Variants in SHC4 observed in about 807,000 individuals in gnomAD.
SHC4 encodes the protein SHC-transforming protein 4.
Under a neutral mutation model 69.4 loss-of-function variants are expected in SHC4, and 41 were observed. The ratio of observed to expected loss-of-function variants is 0.59; its 90% CI spans 0.46 to 0.77. The LOEUF is 0.77. SHC4 is among the 30% of genes least tolerant of loss of function. The pLI is 0.00. For missense variants in SHC4, 777 were observed against 783.8 expected (o/e 0.99, Z 0.10); for synonymous variants, 318 against 299.3 (o/e 1.06, Z -0.64).
intron 1 of SHC4, among the ~76,000 whole-genome samples, chr15:48,927,279 A>G (rs1567071920): frequency 6.6e-6 from 1 of 152,112 alleles, no homozygotes; most frequent in South Asian, 2.1e-4. Context: ...GCGTCCCTAT[A>G]TCCTGCAGTC....
At chr15:48,883,054 G>GT (rs1311037305) in intron 4 of SHC4, among the ~76,000 whole-genome samples, 2 of 151,818 alleles carry the variant, frequency 1.3e-5, no homozygotes, top group Admixed American at 6.6e-5. Flanking sequence ...ATTTTATTCT[G>GT]TTTTTTTAAT....
intron 8 of SHC4, 109 bp from the exon 9 acceptor site, chr15:48,851,357 G>C: frequency 9.7e-7 from 1 of 1,028,752 alleles, no homozygotes; most frequent in Non-Finnish European, 1.5e-6. Flanking sequence ...TTCACTTTCT[G>C]ACACAGGAAA....
At chr15:48,907,513 G>A (rs757523731) in intron 2 of SHC4, among the ~76,000 whole-genome samples, 34 of 151,782 alleles carry the variant, frequency 2.2e-4, no homozygotes, top group African/African-American at 6.5e-4. Flanking sequence ...CTCATCACCC[G>A]AGCAGTATAC....
intron 6 of SHC4, among the ~76,000 whole-genome samples, chr15:48,859,809 C>T (rs1448355723): frequency 3.3e-5 from 5 of 152,170 alleles, no homozygotes; most frequent in Admixed American, 1.3e-4. Flanking sequence ...GCTAGTCAGG[C>T]CTCATATCCG....
intron 2 of SHC4, among the ~76,000 whole-genome samples, chr15:48,894,685 C>T (rs7178661): frequency 0.015 from 2,224 of 152,232 alleles, 65 homozygotes; most frequent in African/African-American, 0.051. Context: ...GATAAAAAAT[C>T]TTGAGCACGT....
At chr15:48,857,433 A>T (rs1388917382) in intron 7 of SHC4, among the ~76,000 whole-genome samples, 3 of 152,156 alleles carry the variant, frequency 2.0e-5, no homozygotes, top group Admixed American at 6.5e-5. Flanking sequence ...AACAGAGATA[A>T]TCTATTCTTA....
chr15:48,893,591 T>C (rs1330692877), intron 2 of SHC4, among the ~76,000 whole-genome samples: 1 of 152,168 alleles, frequency 6.6e-6, no homozygotes, highest in East Asian at 1.9e-4. Flanking sequence ...GAGAAATCAT[T>C]TGGCTTTTTA....
intron 1 of SHC4, among the ~76,000 whole-genome samples, chr15:48,929,432 G>A (rs950824997): frequency 2.6e-5 from 4 of 152,178 alleles, no homozygotes; most frequent in African/African-American, 9.7e-5. Context: ...ATTAGTCATT[G>A]TTGCTAACTT....
rs750670147 is a variant in SHC4, at chr15:48,962,716, A to G, written c.300T>C (p.Thr100=). The G allele has an allele frequency of 1.9e-6, 3 of 1,613,818 alleles. No homozygotes were observed. In the Admixed American group the frequency reaches 5.0e-5, roughly 27 times the overall value. The part of the protein sequence containing the change: ...MASMKLANPA[T]LLSLKNFCLG... ...GGCAAAAGTTTTTCAGACTCAGCAA[A>G]GTGGCCGGGTTGGCCAGCTTCATGC... is the stretch of plus-strand genomic sequence containing the variant. Residue 100 remains threonine, a synonymous_variant, in exon 1 of 12, where the codon ACT becomes ACC. Transcript: ENST00000332408.
intron 1 of SHC4, among the ~76,000 whole-genome samples, chr15:48,936,499 C>G (rs551219318): frequency 1.3e-5 from 2 of 152,228 alleles, no homozygotes; most frequent in African/African-American, 4.8e-5. Flanking sequence ...GAGAGAGTCT[C>G]CATTGTCTCC....
chr15:48,849,675 G>T (rs147595798), intron 9 of SHC4, among the ~76,000 whole-genome samples: 3 of 152,296 alleles, frequency 2.0e-5, no homozygotes, highest in African/African-American at 7.2e-5. Context: ...CAAGGCATGC[G>T]TGGTACGTTC....
intron 1 of SHC4, among the ~76,000 whole-genome samples, chr15:48,948,541 G>C (rs1901312602): frequency 6.6e-6 from 1 of 152,212 alleles, no homozygotes; most frequent in Non-Finnish European, 1.5e-5. Flanking sequence ...TTGTGCCATT[G>C]TAATTGCTGT....
At chr15:48,884,090 G>A (rs1442185451) in intron 4 of SHC4, among the ~76,000 whole-genome samples, 158 bp downstream of exon 4, 2 of 152,192 alleles carry the variant, frequency 1.3e-5, no homozygotes, top group African/African-American at 2.4e-5. Flanking sequence ...TAATGCTGTT[G>A]TTCTAATGAT....
At chr15:48,877,514 C>T (rs1235607041) in intron 4 of SHC4, 3 of 983,884 alleles carry the variant, frequency 3.0e-6, no homozygotes, top group Non-Finnish European at 3.6e-6. Flanking sequence ...ATTTTGCTGT[C>T]AATACATAAA....
chr15:48,917,755 T>A (rs1056776439), intron 2 of SHC4, among the ~76,000 whole-genome samples: 3 of 137,478 alleles, frequency 2.2e-5, no homozygotes, highest in African/African-American at 8.2e-5. Context: ...GCTGAGAAAG[T>A]CAATGGCCTC....
At chr15:48,961,931 A>T (rs1337354076) in intron 1 of SHC4, among the ~76,000 whole-genome samples, 1 of 152,230 alleles carries the variant, frequency 6.6e-6, no homozygotes, top group Non-Finnish European at 1.5e-5. Context: ...ACGTGTTTTG[A>T]GAAGTGTTTG....
intron 1 of SHC4, among the ~76,000 whole-genome samples, chr15:48,958,977 T>C (rs947225766): frequency 3.9e-5 from 6 of 152,338 alleles, no homozygotes; most frequent in Non-Finnish European, 7.4e-5. Context: ...TGAGCTTCAA[T>C]TAAAGTTACT....
chr15:48,854,150 G>A (rs558452162), intron 8 of SHC4, among the ~76,000 whole-genome samples: 3 of 152,232 alleles, frequency 2.0e-5, no homozygotes, highest in African/African-American at 7.2e-5. Context: ...ATTAAAAAGT[G>A]GGCAAATTTC....
chr15:48,894,526 T>C (rs1240710395), intron 2 of SHC4, among the ~76,000 whole-genome samples: 1 of 152,168 alleles, frequency 6.6e-6, no homozygotes, highest in Admixed American at 6.6e-5. Context: ...GTTCCTGTTA[T>C]GGATACTAAC....
Sources: gnomAD v4.1 joint callset for allele counts (sites outside exome capture counted in the v4.1 genomes callset) on GRCh38, gnomAD v4.1.1 for gene constraint, MANE v1.5 for transcripts, NCBI Gene and HGNC (gene_info 2026-07-23, HGNC 2026-07-21) for gene names.